The following SV2C variants were observed in gnomAD, a reference collection of about 807,000 sequenced individuals.
The protein encoded by SV2C is solute carrier family 22 member B3.
Under a neutral mutation model 79.7 loss-of-function variants are expected in SV2C, and 49 were observed. That is an observed-to-expected ratio of 0.61 (90% CI 0.49 to 0.78). The LOEUF (loss-of-function observed/expected upper bound fraction) is 0.78. Among genes scored for constraint, SV2C ranks in the 30% least tolerant of loss-of-function variants. The pLI is 0.00. For missense variants in SV2C, 833 were observed against 912.9 expected (o/e 0.91, Z 1.13); for synonymous variants, 334 against 333.2 (o/e 1.00, Z -0.03).
At chr5:76,302,897 T>C (rs183358530) in intron 12 of SV2C, among the ~76,000 whole-genome samples, 4 of 152,300 alleles carry the variant, frequency 2.6e-5, no homozygotes, top group African/African-American at 9.6e-5. Flanking sequence ...GAGAGTTTTT[T>C]CCTAGAACTA....
chr5:76,154,531 A>T lies in SV2C; in HGVS notation c.580+22201A>T, dbSNP rs1407720295. On this transcript the variant is annotated intron_variant, in intron 2 of 12. Coordinates refer to ENST00000502798, the MANE Select transcript of SV2C (RefSeq NM_014979.4). Reference sequence around the variant, plus strand: ...TGTCTCAGAGCTCATCCTGAGTGCTACGCTGCATCACACTCCAGACCACAC... The same window carrying T: ...TGTCTCAGAGCTCATCCTGAGTGCTTCGCTGCATCACACTCCAGACCACAC... 2.6e-5 allele frequency among the ~76,000 whole-genome samples: 4 copies of T among 152,160 alleles called. No homozygotes were observed. The East Asian group carries it at 7.7e-4, about 29-fold the overall frequency.
chr5:76,140,749 CA>C (rs904932301), intron 2 of SV2C, among the ~76,000 whole-genome samples: 63 of 152,194 alleles, frequency 4.1e-4, no homozygotes, highest in African/African-American at 1.5e-3. Flanking sequence ...TTTTAAGACC[CA>C]TAACTTTTTT....
chr5:76,066,095 T>G, the SV2C span, among the ~76,000 whole-genome samples: 1 of 152,126 alleles, frequency 6.6e-6, no homozygotes, highest in South Asian at 2.1e-4. Flanking sequence ...ATCCCATTAC[T>G]GGGTATATAC....
the SV2C span, among the ~76,000 whole-genome samples, chr5:75,940,003 G>A: frequency 2.9e-3 from 434 of 152,192 alleles, 13 homozygotes; most frequent in Admixed American, 0.024. Flanking sequence ...CCTCATTCCT[G>A]CGACTATCAT....
chr5:76,202,465 C>T (rs1288875244), intron 3 of SV2C, among the ~76,000 whole-genome samples: 1 of 152,182 alleles, frequency 6.6e-6, no homozygotes, highest in East Asian at 1.9e-4. Flanking sequence ...AGGGCCCATG[C>T]TCATAACCAT....
chr5:76,175,095 G>GA (rs1420096886), intron 2 of SV2C, among the ~76,000 whole-genome samples: 2 of 152,168 alleles, frequency 1.3e-5, no homozygotes, highest in East Asian at 3.8e-4. Flanking sequence ...AGAGATACCA[G>GA]AAAAAACACT....
At chr5:75,880,163 A>G in the SV2C span, among the ~76,000 whole-genome samples, 1 of 146,552 alleles carries the variant, frequency 6.8e-6, no homozygotes, top group African/African-American at 2.6e-5. Context: ...TGCCTCAGAG[A>G]TATCTGAAAA....
the SV2C span, among the ~76,000 whole-genome samples, chr5:75,864,352 CCATT>C: frequency 2.0e-5 from 3 of 147,092 alleles, no homozygotes; most frequent in African/African-American, 7.7e-5. Flanking sequence ...ATCCATCCAT[CCATT>C]CATTTAATTA....
chr5:76,239,226 C>T (rs1745706495), intron 4 of SV2C, among the ~76,000 whole-genome samples: 1 of 152,036 alleles, frequency 6.6e-6, no homozygotes, highest in Admixed American at 6.6e-5. Flanking sequence ...TTTCTTTGTT[C>T]TTGTTCTTTA....
At chr5:76,148,802 A>G (rs1479461933) in intron 2 of SV2C, among the ~76,000 whole-genome samples, 1 of 152,150 alleles carries the variant, frequency 6.6e-6, no homozygotes. Context: ...TTGTCCCCAC[A>G]GCCTACTTGC....
intron 12 of SV2C, among the ~76,000 whole-genome samples, chr5:76,317,761 C>G (rs1034230353): frequency 3.9e-5 from 6 of 152,122 alleles, no homozygotes; most frequent in Admixed American, 2.6e-4. Context: ...CCTGGAAGGT[C>G]GAGGCTGCAG....
At chr5:76,212,511 G>A (rs773697630) in intron 4 of SV2C, among the ~76,000 whole-genome samples, 10 of 150,412 alleles carry the variant, frequency 6.6e-5, no homozygotes, top group African/African-American at 1.2e-4. Flanking sequence ...CTTCAGGCCA[G>A]CCTTGTTCTC....
chr5:76,220,575 G>A (rs1226935873), intron 4 of SV2C, among the ~76,000 whole-genome samples: 1 of 146,930 alleles, frequency 6.8e-6, no homozygotes, highest in Non-Finnish European at 1.5e-5. Context: ...GTGAGGCCAA[G>A]GCACCAGAAT....
At chr5:76,228,073 T>A (rs930769946) in intron 4 of SV2C, among the ~76,000 whole-genome samples, 3 of 152,164 alleles carry the variant, frequency 2.0e-5, no homozygotes, top group African/African-American at 7.2e-5. Context: ...TCTCTCTTTC[T>A]CTCTCTTTTT....
the SV2C span, among the ~76,000 whole-genome samples, chr5:75,971,918 T>G: frequency 1.3e-5 from 2 of 152,076 alleles, no homozygotes; most frequent in Non-Finnish European, 2.9e-5. Flanking sequence ...CTACCTGACT[T>G]CAAACTATAC....
the SV2C span, among the ~76,000 whole-genome samples, chr5:75,913,312 T>G: frequency 6.6e-6 from 1 of 152,152 alleles, no homozygotes; most frequent in Non-Finnish European, 1.5e-5. Flanking sequence ...ACACTTGAAA[T>G]CAGGAAGATA....
chr5:76,134,724 A>C (rs1199694876), intron 2 of SV2C, among the ~76,000 whole-genome samples: 2 of 152,204 alleles, frequency 1.3e-5, no homozygotes, highest in Non-Finnish European at 2.9e-5. Flanking sequence ...CTGTGTGTAT[A>C]TATAACATTG....
the SV2C span, among the ~76,000 whole-genome samples, chr5:76,038,425 T>C: frequency 6.6e-6 from 1 of 152,188 alleles, no homozygotes; most frequent in Non-Finnish European, 1.5e-5. Context: ...TCTGGCACTT[T>C]CCTATCATAT....
chr5:75,970,482 C>T, the SV2C span, among the ~76,000 whole-genome samples: 232 of 151,852 alleles, frequency 1.5e-3, 2 homozygotes, highest in Middle Eastern at 0.01. Context: ...TAAAAAATGA[C>T]AAAGGGGATA....
Sources: allele counts gnomAD v4.1 joint callset (sites outside exome capture counted in the v4.1 genomes callset), GRCh38; gene constraint gnomAD v4.1.1; transcripts MANE v1.5; gene names NCBI Gene and HGNC (gene_info 2026-07-23, HGNC 2026-07-21).